Variants in KLF12 observed in about 807,000 individuals in gnomAD.
KLF12 encodes the protein KLF transcription factor 12.
In KLF12, 9 loss-of-function variants were observed where a neutral mutation model predicts 37.8. That is an observed-to-expected ratio of 0.24 (90% CI 0.14 to 0.42). The LOEUF (loss-of-function observed/expected upper bound fraction) is 0.42. Ranked by LOEUF, KLF12 falls within the 10% of genes least tolerant of loss-of-function variation. KLF12 has a pLI of 1.00. For missense variants in KLF12, 411 were observed against 516.0 expected (o/e 0.80, Z 1.97); for synonymous variants, 208 against 202.1 (o/e 1.03, Z -0.25).
the KLF12 span, among the ~76,000 whole-genome samples, chr13:74,209,557 C>CACACACAG: frequency 7.0e-6 from 1 of 143,584 alleles, no homozygotes; most frequent in South Asian, 2.3e-4. Context: ...CACACACACA[C>CACACACAG]AGACAATTAA....
chr13:74,179,678 A>G, the KLF12 span, among the ~76,000 whole-genome samples: 20 of 152,280 alleles, frequency 1.3e-4, no homozygotes, highest in African/African-American at 4.8e-4. Context: ...GGCTTATGAA[A>G]CTAAGGTTGC....
intron 3 of KLF12, among the ~76,000 whole-genome samples, chr13:73,940,911 C>T (rs546264842): frequency 4.6e-5 from 7 of 152,316 alleles, no homozygotes; most frequent in African/African-American, 1.7e-4. Context: ...GGTGGGGAGA[C>T]ATGCAGAGCC....
At chr13:74,305,085 C>A in the KLF12 span, among the ~76,000 whole-genome samples, 4 of 152,140 alleles carry the variant, frequency 2.6e-5, no homozygotes, top group African/African-American at 9.6e-5. Flanking sequence ...ATTCTCTTTT[C>A]CCCAGTAACA....
chr13:74,203,802 C>T, the KLF12 span, among the ~76,000 whole-genome samples: 1 of 152,106 alleles, frequency 6.6e-6, no homozygotes, highest in Non-Finnish European at 1.5e-5. Flanking sequence ...TACAGTACCA[C>T]CCAGCCATTC....
the KLF12 span, among the ~76,000 whole-genome samples, chr13:74,272,926 T>C: frequency 3.3e-5 from 5 of 152,056 alleles, no homozygotes; most frequent in African/African-American, 9.7e-5. Context: ...GGAATAAAAG[T>C]AAAAGCTTAA....
intron 1 of KLF12, among the ~76,000 whole-genome samples, chr13:74,034,492 G>A (rs1893195839): frequency 6.6e-6 from 1 of 152,022 alleles, no homozygotes; most frequent in Admixed American, 6.6e-5. Flanking sequence ...CATATATGTT[G>A]TAAATGGTTT....
the KLF12 span, among the ~76,000 whole-genome samples, chr13:74,268,047 T>A: frequency 6.6e-6 from 1 of 152,160 alleles, no homozygotes; most frequent in African/African-American, 2.4e-5. Flanking sequence ...GTCCTACTGA[T>A]GTCTTGATTC....
the KLF12 span, among the ~76,000 whole-genome samples, chr13:74,275,821 T>TC: frequency 3.3e-3 from 375 of 113,058 alleles, 2 homozygotes; most frequent in Admixed American, 6.0e-3. Flanking sequence ...TTTCTTTCTT[T>TC]CTTTCTTTCT....
At chr13:74,059,497 G>A (rs1261592747) in intron 1 of KLF12, among the ~76,000 whole-genome samples, 2 of 152,184 alleles carry the variant, frequency 1.3e-5, no homozygotes, top group Non-Finnish European at 1.5e-5. Context: ...TCATGTGTAA[G>A]ATGATATCTC....
At chr13:73,859,136 C>G (rs1377464399) in intron 3 of KLF12, among the ~76,000 whole-genome samples, 1 of 152,178 alleles carries the variant, frequency 6.6e-6, no homozygotes, top group Non-Finnish European at 1.5e-5. Context: ...CAAGTGACAG[C>G]AACTCCCTCA....
At chr13:73,799,265 G>A (rs996088528) in intron 5 of KLF12, among the ~76,000 whole-genome samples, 1 of 152,140 alleles carries the variant, frequency 6.6e-6, no homozygotes, top group Non-Finnish European at 1.5e-5. Context: ...TGAAGGTGAT[G>A]AAAGGGAGGA....
chr13:73,834,110 T>C (rs1051849215), intron 4 of KLF12, among the ~76,000 whole-genome samples: 5 of 152,204 alleles, frequency 3.3e-5, no homozygotes, highest in African/African-American at 1.2e-4. Flanking sequence ...GGAGCTTAAA[T>C]TGTAGTGTAG....
At chr13:73,818,820 G>A (rs1412202397) in intron 4 of KLF12, among the ~76,000 whole-genome samples, 8 of 152,212 alleles carry the variant, frequency 5.3e-5, no homozygotes, top group Admixed American at 5.2e-4. Context: ...GCGCCACAGG[G>A]CTGATGGACC....
the KLF12 span, among the ~76,000 whole-genome samples, chr13:74,187,031 C>T: frequency 6.6e-6 from 1 of 152,136 alleles, no homozygotes; most frequent in East Asian, 1.9e-4. Context: ...ATAGAAGGTG[C>T]AACAAATTTT....
At chr13:74,161,032 A>G in the KLF12 span, among the ~76,000 whole-genome samples, 1 of 151,424 alleles carries the variant, frequency 6.6e-6, no homozygotes, top group Non-Finnish European at 1.5e-5. Flanking sequence ...ATGGAGATTG[A>G]GAACACGGAG....
intron 2 of KLF12, among the ~76,000 whole-genome samples, chr13:73,980,363 T>C (rs1467850548): frequency 1.1e-4 from 16 of 152,142 alleles, no homozygotes; most frequent in Non-Finnish European, 1.8e-4. Flanking sequence ...GATTCTAACA[T>C]AGCTACCAAA....
chr13:73,770,905 TA>T lies in KLF12; in HGVS notation c.807-5906del, dbSNP rs1315443238. Among the ~76,000 whole-genome samples, 3 of 152,192 alleles carry T rather than the reference TA, an allele frequency of 2.0e-5. No homozygotes were observed. The South Asian group carries it at 6.2e-4, about 32-fold the overall frequency. ...CTGAAAGAGAGAAGTTAAACTGTGC[TA>T]AAAATATTACATTTTGAAGGAAACA... On this transcript the variant is annotated intron_variant, in intron 5 of 7. Coordinates refer to ENST00000377669, the MANE Select transcript of KLF12 (RefSeq NM_007249.5).
intron 2 of KLF12, among the ~76,000 whole-genome samples, chr13:73,976,123 G>A (rs942194798): frequency 1.3e-5 from 2 of 151,094 alleles, no homozygotes; most frequent in Non-Finnish European, 2.9e-5. Flanking sequence ...TAATGAATGG[G>A]CCATGACAGA....
intron 5 of KLF12, among the ~76,000 whole-genome samples, chr13:73,799,347 G>A (rs145839220): frequency 0.017 from 2,527 of 152,004 alleles, 39 homozygotes; most frequent in Non-Finnish European, 0.027. Context: ...TCTGCACAAC[G>A]AACCACCATG....
Sources: allele counts gnomAD v4.1 joint callset (sites outside exome capture counted in the v4.1 genomes callset), GRCh38; gene constraint gnomAD v4.1.1; transcripts MANE v1.5; gene names NCBI Gene and HGNC (gene_info 2026-07-23, HGNC 2026-07-21).